Variants in HADHA observed in about 807,000 individuals in gnomAD.
The protein encoded by HADHA is trifunctional enzyme subunit alpha, mitochondrial.
In HADHA, 59 loss-of-function variants were observed where a neutral mutation model predicts 91.3. That is an observed-to-expected ratio of 0.65 (90% CI 0.52 to 0.80). The LOEUF (loss-of-function observed/expected upper bound fraction) is 0.80. Among genes scored for constraint, HADHA ranks in the 30% least tolerant of loss-of-function variants. The pLI is 0.00. For missense variants in HADHA, 800 were observed against 927.6 expected, an observed-to-expected ratio of 0.86 and a Z score of 1.79; for synonymous variants, 320 against 338.9, an observed-to-expected ratio of 0.94 and a Z score of 0.61.
At chr2:26,194,157 C>T (rs1339702107) in intron 16 of HADHA, among the ~76,000 whole-genome samples, 1 of 152,166 alleles carries the variant, frequency 6.6e-6, no homozygotes, top group African/African-American at 2.4e-5. Flanking sequence ...GGTAAGTGCC[C>T]AGCGAGGAGG....
At chr2:26,235,841 A>G (rs563696802) in intron 4 of HADHA, among the ~76,000 whole-genome samples, 48 of 152,358 alleles carry the variant, frequency 3.2e-4, no homozygotes, top group African/African-American at 9.6e-4. Context: ...GTATGTGTAA[A>G]CAATTGTAAA....
Position 26,230,210 on chromosome 2 carries a change from G to T in HADHA, c.658C>A (p.Gln220Lys). The change falls in exon 7 of 20, where the codon CAA (glutamine) becomes AAA (lysine). Residue 220 changes from glutamine to lysine, a missense_variant. Transcript: ENST00000380649. ...DRAKKMGLVD[Q>K]LVEPLGPGLK... is the part of the protein sequence containing the mutation. The stretch of plus-strand genomic sequence containing the variant: ...CACTTACCCAGGGGTTCCACCAGTT[G>T]GTCAACCAGTCCCATTTTCTTTGCC... The T allele has an allele frequency of 6.2e-7, 1 of 1,604,764 alleles. No homozygotes were observed. Among genetic ancestry groups the T allele is most frequent in the Non-Finnish European group, 8.5e-7 (1 of 1,171,548 alleles).
chr2:26,241,146 T>C (rs957852731), intron 1 of HADHA, among the ~76,000 whole-genome samples: 3 of 152,164 alleles, frequency 2.0e-5, no homozygotes, highest in African/African-American at 7.2e-5. Context: ...ATCTTTGTAA[T>C]GTAACCCAAG....
Position 26,221,900 on chromosome 2 carries a change from G to A in HADHA, c.677-6725C>T, listed in dbSNP as rs1171975725. On this transcript the variant is annotated intron_variant, in intron 7 of 19. Transcript: ENST00000380649. This position sits in a 1 kb window ranked among gnomAD's most constrained non-coding sequence, Gnocchi z 4.8. The stretch of plus-strand genomic sequence containing the variant: ...AGAAAGAAAAATGGCCTGAGCTAAG[G>A]GTCTACTCTGATTCATAGGCCGTGG... Among the ~76,000 whole-genome samples the A allele has an allele frequency of 6.6e-6, 1 of 152,142 alleles. No individual in the cohort carries two copies. Among genetic ancestry groups the A allele is most frequent in the Non-Finnish European group, 1.5e-5 (1 of 68,020 alleles).
Position 26,200,893 on chromosome 2 carries a change from C to T in HADHA, c.1392+256G>A, listed in dbSNP as rs572234315. Among the ~76,000 whole-genome samples the T allele has an allele frequency of 2.0e-5, 3 of 152,140 alleles. No homozygotes were observed. The East Asian group carries it at 5.8e-4, about 29-fold the overall frequency. On this transcript the variant is annotated intron_variant, in intron 13 of 19. Coordinates refer to ENST00000380649, the MANE Select transcript of HADHA (RefSeq NM_000182.5). ...GACTACAGGTGTGTGCCACCATGCC[C>T]GGCTAATTTTTGTATTTTCTAGTAG...
chr2:26,244,114 C>A (rs1385801518), intron 1 of HADHA, among the ~76,000 whole-genome samples: 1 of 152,186 alleles, frequency 6.6e-6, no homozygotes, highest in Non-Finnish European at 1.5e-5. Context: ...GCGCTTGTTG[C>A]GGGGTAAGGT....
Position 26,191,077 on chromosome 2 carries a change from C to T in HADHA, c.*173G>A. The T allele has an allele frequency of 1.5e-6, 1 of 686,890 alleles. No individual in the cohort carries two copies. 42.5% of individuals were successfully genotyped at this position (686,890 alleles called of 1,614,324 possible). On this transcript the variant is annotated 3_prime_UTR_variant, in exon 20 of 20. Coordinates refer to ENST00000380649, the MANE Select transcript of HADHA (RefSeq NM_000182.5). ...AAGTGCAAACTAATTCGAAGTCACA[C>T]TTCACCAGGAGGGAGAGATGGTCTT...
At chr2:26,217,619 A>C (rs1670271454) in intron 7 of HADHA, among the ~76,000 whole-genome samples, 1 of 152,192 alleles carries the variant, frequency 6.6e-6, no homozygotes, top group African/African-American at 2.4e-5. Context: ...AAAGAATGAC[A>C]GCTGGGCACA....
At chr2:26,237,655 G>C (rs1355255509) in intron 3 of HADHA, among the ~76,000 whole-genome samples, 1 of 152,082 alleles carries the variant, frequency 6.6e-6, no homozygotes, top group Non-Finnish European at 1.5e-5. Context: ...TATGATCTTA[G>C]TTTTGTAAAT....
In HADHA at chr2:26,195,079, T is replaced by C. The variant is rs747822256; in HGVS notation, c.1620+13A>G. ...TTTCAAAAACTCTGCAGCTCTGTTA[T>C]ACAGCCCCTTACCTTAACCACAATG... On this transcript the variant is annotated intron_variant, in intron 15 of 19. Transcript: ENST00000380649. The C allele has an allele frequency of 7.5e-6, 12 of 1,608,968 alleles. No homozygotes were observed. The African/African-American group carries it at 1.2e-4, about 16-fold the overall frequency.
intron 4 of HADHA, chr2:26,235,044 C>T (rs1670713592): frequency 6.6e-6 from 1 of 152,326 alleles, no homozygotes; most frequent in Admixed American, 6.5e-5. Context: ...CATGGTGGCT[C>T]ATGCCTGTAA....
At chr2:26,238,368 C>T (rs958559277) in intron 3 of HADHA, among the ~76,000 whole-genome samples, 2 of 152,150 alleles carry the variant, frequency 1.3e-5, no homozygotes, top group Admixed American at 1.3e-4. Context: ...TGGACTCTCA[C>T]AATAAAGCTC....
chr2:26,225,397 CAAAAA>C (rs35279747), intron 7 of HADHA, among the ~76,000 whole-genome samples: 1 of 139,204 alleles, frequency 7.2e-6, no homozygotes. Context: ...GACTCCATCT[CAAAAA>C]AAAAAAAAAA....
At chr2:26,206,430 T>C (rs915159157) in intron 11 of HADHA, among the ~76,000 whole-genome samples, 9 of 152,074 alleles carry the variant, frequency 5.9e-5, no homozygotes, top group Non-Finnish European at 1.2e-4. Flanking sequence ...GGTTTCACCA[T>C]GTTGGCCAGG....
intron 7 of HADHA, 64 bp downstream of exon 7, chr2:26,230,128 G>A: frequency 1.9e-6 from 2 of 1,049,686 alleles, no homozygotes; most frequent in South Asian, 2.5e-5. Context: ...TGGCCTAAGA[G>A]GTTAACTCTT....
chr2:26,204,254 G>A (rs1669922375), intron 11 of HADHA, 58 bp from the exon 12 acceptor site: 2 of 1,506,008 alleles, frequency 1.3e-6, no homozygotes, highest in Admixed American at 3.3e-5. Context: ...TTCAGTCAAA[G>A]TGGAAGATTG....
chr2:26,230,338 G>T, intron 6 of HADHA, 44 bp from the exon 7 acceptor site: 1 of 1,104,752 alleles, frequency 9.1e-7, no homozygotes, highest in Non-Finnish European at 1.4e-6. Flanking sequence ...AAAAAAATCA[G>T]GGTGATAATT....
rs997033672 is a variant in HADHA, at chr2:26,204,042, AAG to A, written c.1220+18_1220+19del. ...AACAAAGGACATTCTAACTCTTGCA[AAG>A]AGAGAGAGCAGGCTTACCCTTTGAA... On this transcript the variant is annotated intron_variant, in intron 12 of 19. Transcript: ENST00000380649. The A allele has an allele frequency of 6.2e-7, 1 of 1,612,688 alleles. No individual in the cohort carries two copies. The highest frequency in any genetic ancestry group is 8.5e-7 in the Non-Finnish European group (1 of 1,178,754).
intron 7 of HADHA, among the ~76,000 whole-genome samples, chr2:26,222,002 A>AGG (rs1670386086): frequency 6.6e-6 from 1 of 152,170 alleles, no homozygotes; most frequent in African/African-American, 2.4e-5. Context: ...TATGGGCTGA[A>AGG]TTGTGTCCCC....
Sources: allele counts gnomAD v4.1 joint callset (sites outside exome capture counted in the v4.1 genomes callset), GRCh38; gene constraint gnomAD v4.1.1; non-coding constraint Gnocchi (gnomAD v3.1); transcripts MANE v1.5; gene names NCBI Gene and HGNC (gene_info 2026-07-23, HGNC 2026-07-21).